The following SEMA3C variants were observed in gnomAD, a reference collection of about 807,000 sequenced individuals.
SEMA3C encodes the protein semaphorin 3C.
A neutral mutation model predicts 89.4 loss-of-function variants in SEMA3C; 47 were observed. The ratio of observed to expected loss-of-function variants is 0.53; its 90% CI spans 0.42 to 0.67. The LOEUF (loss-of-function observed/expected upper bound fraction) is 0.67, where lower values mean the gene tolerates loss of function less well. SEMA3C is among the 30% of genes least tolerant of loss of function. The probability of loss-of-function intolerance (pLI) is 0.00; values close to 1 mark genes in which losing one functional copy is unlikely to be tolerated. For synonymous variants in SEMA3C, 310 were observed against 320.2 expected (o/e 0.97, Z 0.34); for missense variants, 839 against 929.1 (o/e 0.90, Z 1.26).
rs776320194 is a variant in SEMA3C at position 80,745,067 on chromosome 7, C to T, written c.2083G>A (p.Gly695Arg). The T allele has an allele frequency of 4.3e-6, 7 of 1,614,068 alleles. No homozygotes were observed. Among genetic ancestry groups the T allele is most frequent in the South Asian group, 1.1e-5 (1 of 91,082 alleles). Residue 695 changes from glycine (G) to arginine (R), a missense_variant, in exon 18 of 18, where the codon GGG becomes AGG. Physicochemically the swap from Gly to Arg is moderately radical, Grantham distance 125 (BLOSUM62 -2). Transcript: ENST00000265361. The stretch of plus-strand genomic sequence containing the variant: ...TGCATTTCTGAGTGGCTGAATGCCC[C>T]CATGATGTCCTTCGGGTGGAAGGGT... ...ALPFHPKDIMGAFSHSEMQMI... is the reference protein window; with the variant it reads ...ALPFHPKDIMRAFSHSEMQMI...
intron 12 of SEMA3C, among the ~76,000 whole-genome samples, chr7:80,781,887 G>C (rs1306920207): frequency 2.0e-5 from 3 of 152,162 alleles, no homozygotes; most frequent in Non-Finnish European, 4.4e-5. Context: ...AAATGAGCCA[G>C]TGGTGCAAAG....
chr7:80,804,252 G>A lies in SEMA3C; in HGVS notation c.659-4C>T, dbSNP rs1562882855. The A allele has an allele frequency of 1.3e-6, 2 of 1,572,894 alleles. No individual in the cohort carries two copies. The highest frequency in any genetic ancestry group is 8.6e-7 in the Non-Finnish European group (1 of 1,160,980). Reference sequence around the variant, plus strand: ...TGTGCATCTACAAACATAGGTTCTAGAAAAAAAGGTAAAAGACTAGGTATA... The same window carrying A: ...TGTGCATCTACAAACATAGGTTCTAAAAAAAAAGGTAAAAGACTAGGTATA... On this transcript the variant is annotated splice_polypyrimidine_tract_variant and splice_region_variant and intron_variant, in intron 7 of 17. Transcript: ENST00000265361.
At chr7:80,754,007 G>A (rs370835448) in intron 15 of SEMA3C, among the ~76,000 whole-genome samples, 5 of 152,160 alleles carry the variant, frequency 3.3e-5, no homozygotes, top group East Asian at 1.9e-4. Flanking sequence ...GTGCAATCTC[G>A]GCTCGCTGCA....
chr7:80,748,066 A>G (rs902692686), intron 17 of SEMA3C, among the ~76,000 whole-genome samples: 24 of 152,138 alleles, frequency 1.6e-4, no homozygotes, highest in African/African-American at 5.3e-4. Context: ...CCACAACAGA[A>G]GAATACACAT....
chr7:80,759,159 G>T (rs747122241), intron 14 of SEMA3C, among the ~76,000 whole-genome samples: 4 of 152,074 alleles, frequency 2.6e-5, no homozygotes, highest in Non-Finnish European at 5.9e-5. Context: ...GATGTCTACT[G>T]CTTCCAAGAT....
Position 80,800,803 on chromosome 7 carries a change from C to T in SEMA3C, c.940G>A (p.Asp314Asn). Reference protein sequence around the residue: ...ELEDVFLLETDNPRTTLVYGI... With the variant: ...ELEDVFLLETNNPRTTLVYGI... The stretch of plus-strand genomic sequence containing the variant: ...TACACTAGTGTTGTCCTCGGGTTAT[C>T]AGTTTCCAGCAGAAACACATCCTCT... Residue 314 changes from aspartate (D) to asparagine (N), a missense_variant, in exon 10 of 18, where the codon GAT becomes AAT. By Grantham distance (23) the Asp-to-Asn change is conservative (BLOSUM62 1). Transcript: ENST00000265361. 1 of 1,515,104 alleles carries T rather than the reference C, an allele frequency of 6.6e-7. No homozygotes were observed. The allele number at this position is 1,515,104 out of a possible 1,614,324, so 93.9% of individuals were successfully genotyped here.
At chr7:80,909,785 T>C (rs1299850407) in intron 2 of SEMA3C, among the ~76,000 whole-genome samples, 1 of 152,164 alleles carries the variant, frequency 6.6e-6, no homozygotes, top group Non-Finnish European at 1.5e-5. Flanking sequence ...TGTTCATTAA[T>C]TTGCATGAAT....
chr7:80,848,138 A>G (rs1472950312), intron 2 of SEMA3C, among the ~76,000 whole-genome samples: 2 of 152,184 alleles, frequency 1.3e-5, no homozygotes, highest in Non-Finnish European at 2.9e-5. Flanking sequence ...CTACATCTGA[A>G]TTTGAGTATG....
chr7:80,818,222 G>T, intron 5 of SEMA3C, 77 bp downstream of exon 5: 1 of 1,367,454 alleles, frequency 7.3e-7, no homozygotes. Flanking sequence ...ATATGTCCAA[G>T]TTTTTACTCT....
intron 2 of SEMA3C, among the ~76,000 whole-genome samples, chr7:80,836,549 G>C (rs1441110349): frequency 6.6e-6 from 1 of 151,996 alleles, no homozygotes; most frequent in Non-Finnish European, 1.5e-5. Context: ...ATGGTGGCAG[G>C]CATCTGTAAT....
Position 80,788,778 on chromosome 7 carries a change from C to T in SEMA3C, c.1354+528G>A, listed in dbSNP as rs940818887. ...TATGTTATCTGTCATTATCATTATC[C>T]TTAGAAAATGGCTTCATGTATTGAT... is the stretch of plus-strand genomic sequence containing the variant. On this transcript the variant is annotated intron_variant, in intron 12 of 17. Transcript: ENST00000265361. 6.6e-5 allele frequency among the ~76,000 whole-genome samples: 10 copies of T among 152,214 alleles called. No homozygotes were observed. The East Asian group carries it at 1.4e-3, about 21-fold the overall frequency.
chr7:80,791,534 A>G (rs1209834822), intron 11 of SEMA3C, among the ~76,000 whole-genome samples: 1 of 152,212 alleles, frequency 6.6e-6, no homozygotes, highest in Non-Finnish European at 1.5e-5. Flanking sequence ...AGCAATAGGC[A>G]CAGCATCAGT....
intron 2 of SEMA3C, among the ~76,000 whole-genome samples, chr7:80,870,332 T>A (rs1583962650): frequency 6.6e-6 from 1 of 152,238 alleles, no homozygotes; most frequent in East Asian, 1.9e-4. Flanking sequence ...ACTGACTTTT[T>A]AAAAAAGTCA....
chr7:80,837,676 C>T (rs1228183364), intron 2 of SEMA3C, among the ~76,000 whole-genome samples: 2 of 152,158 alleles, frequency 1.3e-5, no homozygotes, highest in Non-Finnish European at 2.9e-5. Flanking sequence ...AAAATTCTTC[C>T]TGCCTTTTTC....
chr7:80,826,001 CCTGCAAATTT>C (rs1309730088), intron 4 of SEMA3C, among the ~76,000 whole-genome samples: 2 of 151,994 alleles, frequency 1.3e-5, no homozygotes, highest in Non-Finnish European at 2.9e-5. Context: ...CAAATATGCC[CCTGCAAATTT>C]CTCCTGCCCA....
At chr7:80,857,409 C>T (rs1050471335) in intron 2 of SEMA3C, among the ~76,000 whole-genome samples, 4 of 152,046 alleles carry the variant, frequency 2.6e-5, no homozygotes, top group African/African-American at 7.2e-5. Context: ...CAAGAAATTA[C>T]AAAAACGAGA....
chr7:80,842,545 G>A (rs991245568), intron 2 of SEMA3C, among the ~76,000 whole-genome samples: 1 of 152,046 alleles, frequency 6.6e-6, no homozygotes, highest in African/African-American at 2.4e-5. Context: ...GAAATAAGGC[G>A]CACTTAAAAG....
At chr7:80,830,793 T>G (rs574107529) in intron 2 of SEMA3C, among the ~76,000 whole-genome samples, 2 of 152,144 alleles carry the variant, frequency 1.3e-5, no homozygotes, top group South Asian at 4.1e-4. Flanking sequence ...AGCTGGCAGG[T>G]GGTGCCACAG....
At chr7:80,839,816 C>T (rs566588748) in intron 2 of SEMA3C, among the ~76,000 whole-genome samples, 7 of 151,900 alleles carry the variant, frequency 4.6e-5, no homozygotes, top group South Asian at 2.1e-4. Context: ...CTAATAGACG[C>T]CATTCCCCAA....
Sources: allele counts gnomAD v4.1 joint callset (sites outside exome capture counted in the v4.1 genomes callset), GRCh38; gene constraint gnomAD v4.1.1; transcripts MANE v1.5; gene names NCBI Gene and HGNC (gene_info 2026-07-23, HGNC 2026-07-21).